NCAPD3: variants seen among roughly 807,000 people sequenced by gnomAD.
NCAPD3 encodes condensin-2 complex subunit D3.
A neutral mutation model predicts 182.9 loss-of-function variants in NCAPD3; 105 were observed. That is an observed-to-expected ratio of 0.57 (90% CI 0.49 to 0.68). The LOEUF (loss-of-function observed/expected upper bound fraction) is 0.68. NCAPD3 is among the 30% of genes least tolerant of loss of function. NCAPD3 has a pLI of 0.00. For synonymous variants in NCAPD3, 815 were observed against 679.9 expected, an observed-to-expected ratio of 1.20 and a Z score of -3.09; for missense variants, 1,944 against 1,837.0, an observed-to-expected ratio of 1.06 and a Z score of -1.07.
chr11:134,215,990 C>A (rs1180966131), intron 3 of NCAPD3, among the ~76,000 whole-genome samples: 1 of 152,190 alleles, frequency 6.6e-6, no homozygotes, highest in African/African-American at 2.4e-5. Flanking sequence ...TTAGTAACAG[C>A]CACCTCTTTG....
chr11:134,222,067 A>G (rs867812499), intron 1 of NCAPD3, among the ~76,000 whole-genome samples: 6 of 152,192 alleles, frequency 3.9e-5, no homozygotes, highest in Non-Finnish European at 7.3e-5. Flanking sequence ...TCTAATTTGG[A>G]TGGCAGTAAC....
chr11:134,174,382 CAAAAAA>C (rs34533048), intron 24 of NCAPD3, among the ~76,000 whole-genome samples: 39 of 53,622 alleles, frequency 7.3e-4, no homozygotes, highest in African/African-American at 3.0e-3. Context: ...GACCCTGTCT[CAAAAAA>C]AAAAAAAAAA....
At chr11:134,224,335 T>G, upstream of NCAPD3, 1 of 283,962 alleles carries the variant, frequency 3.5e-6, no homozygotes, top group South Asian at 3.8e-5. Flanking sequence ...AGGGCTGCCT[T>G]TCCCGTCAGC....
chr11:134,152,914 G>T lies in NCAPD3; in HGVS notation c.*30C>A, dbSNP rs766748238. 1 of 1,492,738 alleles carries T rather than the reference G, an allele frequency of 6.7e-7. No individual in the cohort carries two copies. 92.5% of individuals were successfully genotyped at this position (1,492,738 alleles called of 1,614,324 possible). ...CGAGACTGCTTCCTCAAGGGCTCCTGCCTGCCTGGACACTGGTGGGAGGCG... is the reference window on the plus strand; with the variant it reads ...CGAGACTGCTTCCTCAAGGGCTCCTTCCTGCCTGGACACTGGTGGGAGGCG... On this transcript the variant is annotated 3_prime_UTR_variant, in exon 35 of 35. Coordinates refer to ENST00000534548, the MANE Select transcript of NCAPD3 (RefSeq NM_015261.3).
At chr11:134,196,089 C>T (rs1392937779) in intron 13 of NCAPD3, among the ~76,000 whole-genome samples, 2 of 152,114 alleles carry the variant, frequency 1.3e-5, no homozygotes, top group African/African-American at 4.8e-5. Flanking sequence ...AAAACTAATA[C>T]ACCTTTAGCT....
chr11:134,189,684 C>T (rs1331475026), intron 16 of NCAPD3, among the ~76,000 whole-genome samples: 2 of 152,146 alleles, frequency 1.3e-5, no homozygotes, highest in African/African-American at 4.8e-5. Context: ...AAATGGTTCA[C>T]ATAAGCTTAG....
chr11:134,157,523 A>G (rs943677782), intron 31 of NCAPD3, among the ~76,000 whole-genome samples: 1 of 152,240 alleles, frequency 6.6e-6, no homozygotes, highest in East Asian at 1.9e-4. Flanking sequence ...CACAGCCACA[A>G]TGCTATAAAG....
At chr11:134,178,762 G>C (rs1565535559) in intron 21 of NCAPD3, 21 bp from the exon 22 acceptor site, 4 of 1,608,544 alleles carry the variant, frequency 2.5e-6, no homozygotes, top group Admixed American at 1.7e-5. Flanking sequence ...GGGAGAGAAA[G>C]TTACCGACAG....
chr11:134,176,523 C>T (rs1035412601), intron 23 of NCAPD3, 137 bp from the exon 24 acceptor site: 6 of 687,832 alleles, frequency 8.7e-6, no homozygotes, highest in East Asian at 2.6e-5. Flanking sequence ...TCCAAACCGT[C>T]GGAATGTAGT....
At chr11:134,225,389 G>A (rs1938431971), upstream of NCAPD3, 1 of 1,599,954 alleles carries the variant, frequency 6.3e-7, no homozygotes. Context: ...CCGACAGCCG[G>A]CCGGGGAGCA....
intron 24 of NCAPD3, among the ~76,000 whole-genome samples, 194 bp from the exon 25 acceptor site, chr11:134,169,248 T>C (rs1943948807): frequency 6.6e-6 from 1 of 152,206 alleles, no homozygotes; most frequent in African/African-American, 2.4e-5. Context: ...GCTCCACAGC[T>C]TCCTTTCTAA....
At chr11:134,210,838 C>T (rs1486935866) in intron 3 of NCAPD3, among the ~76,000 whole-genome samples, 1 of 152,218 alleles carries the variant, frequency 6.6e-6, no homozygotes, top group African/African-American at 2.4e-5. Context: ...GAGGGAATTT[C>T]TGGACAACGG....
intron 27 of NCAPD3, among the ~76,000 whole-genome samples, chr11:134,167,081 ACT>A (rs1943849081): frequency 1.2e-5 from 1 of 83,758 alleles, no homozygotes; most frequent in South Asian, 4.2e-4. Context: ...GGAGCTGCAC[ACT>A]CACTAGTGAG....
At chr11:134,176,231 T>C (rs943493896) in intron 24 of NCAPD3, 76 bp downstream of exon 24, 1 of 1,369,900 alleles carries the variant, frequency 7.3e-7, no homozygotes, top group Non-Finnish European at 1.0e-6. Flanking sequence ...TAAACCAATC[T>C]GAAAAAAAAA....
intron 24 of NCAPD3, among the ~76,000 whole-genome samples, chr11:134,175,794 T>C (rs1207277809): frequency 6.6e-6 from 1 of 152,072 alleles, no homozygotes; most frequent in East Asian, 1.9e-4. Context: ...CCAAAGTCAC[T>C]CCCCCACGCC....
intron 32 of NCAPD3, among the ~76,000 whole-genome samples, chr11:134,154,430 G>T (rs1164049343): frequency 6.6e-6 from 1 of 150,986 alleles, no homozygotes; most frequent in Non-Finnish European, 1.5e-5. Context: ...CCACCCTCCT[G>T]CGTCCTCTTC....
chr11:134,204,822 C>T lies in NCAPD3; in HGVS notation c.1089+77G>A, dbSNP rs573608266. 8.2e-7 allele frequency: 1 copy of T among 1,218,120 alleles called. No individual in the cohort carries two copies. The highest frequency in any genetic ancestry group is 1.9e-5 in the Admixed American group (1 of 51,472). 75.5% of individuals were successfully genotyped at this position (1,218,120 alleles called of 1,614,324 possible). On this transcript the variant is annotated intron_variant, in intron 9 of 34. Transcript: ENST00000534548. This position sits in a 1 kb window ranked among gnomAD's most constrained non-coding sequence, Gnocchi z 4.3. ...TCATTCCCAAGAACAAATACCCACA[C>T]TCACACACACACACACACATTTATC... is the stretch of plus-strand genomic sequence containing the variant.
intron 13 of NCAPD3, among the ~76,000 whole-genome samples, chr11:134,195,374 T>C (rs1213712417): frequency 2.0e-5 from 3 of 152,134 alleles, no homozygotes; most frequent in Non-Finnish European, 2.9e-5. Context: ...AGTGAAATTA[T>C]AGGAGTGAGC....
At position 134,194,748 on chromosome 11, in the gene NCAPD3, GA is replaced by G. The variant is rs778363323; in HGVS notation, c.1616-11del. On this transcript the variant is annotated splice_polypyrimidine_tract_variant and intron_variant, in intron 13 of 34. Coordinates refer to ENST00000534548, the MANE Select transcript of NCAPD3 (RefSeq NM_015261.3). The stretch of plus-strand genomic sequence containing the variant: ...GCCATGACACATCTTTCTGTAGAGG[GA>G]ATACCAAAGGGTCATCACAGCTGGA... 1.1e-5 allele frequency: 17 copies of G among 1,586,368 alleles called. No homozygotes were observed. The highest frequency in any genetic ancestry group is 1.3e-5 in the Non-Finnish European group (15 of 1,163,252).
Sources: gnomAD v4.1 joint callset for allele counts (sites outside exome capture counted in the v4.1 genomes callset) on GRCh38, gnomAD v4.1.1 for gene constraint, Gnocchi (gnomAD v3.1) non-coding constraint, MANE v1.5 for transcripts, NCBI Gene and HGNC (gene_info 2026-07-23, HGNC 2026-07-21) for gene names.